SPRED2: variants seen among roughly 807,000 people sequenced by gnomAD.
SPRED2 encodes sprouty-related, EVH1 domain-containing protein 2.
SPRED2 carries 47 observed loss-of-function variants against 43.0 expected under a neutral mutation model. That is an observed-to-expected ratio of 1.09 (90% confidence interval 0.87 to 1.40). The LOEUF (loss-of-function observed/expected upper bound fraction) is 1.40, where lower values mean the gene tolerates loss of function less well. Among genes scored for constraint, SPRED2 ranks in the 40% most tolerant of loss-of-function variants. SPRED2 has a pLI of 0.00. For synonymous variants in SPRED2, 225 were observed against 225.7 expected (o/e 1.00, Z 0.03); for missense variants, 561 against 586.4 (o/e 0.96, Z 0.45).
At chr2:65,371,366 T>C (rs939207499) in intron 1 of SPRED2, among the ~76,000 whole-genome samples, 9 of 152,208 alleles carry the variant, frequency 5.9e-5, no homozygotes, top group African/African-American at 2.2e-4. Context: ...AGCCAGCTGT[T>C]TGAACAGATT....
chr2:65,391,087 C>CA (rs572027285), intron 1 of SPRED2, among the ~76,000 whole-genome samples: 47,131 of 126,998 alleles, frequency 0.37, 10,393 homozygotes, highest in East Asian at 0.69. Context: ...GACTCCATCT[C>CA]AAAAAAAAAA....
chr2:65,362,413 G>T (rs1674839294), intron 1 of SPRED2, among the ~76,000 whole-genome samples: 1 of 152,042 alleles, frequency 6.6e-6, no homozygotes, highest in Admixed American at 6.5e-5. Context: ...GCAACTACAG[G>T]CGCCCGACAC....
intron 1 of SPRED2, among the ~76,000 whole-genome samples, chr2:65,415,081 C>G (rs998337484): frequency 6.6e-6 from 1 of 152,202 alleles, no homozygotes; most frequent in African/African-American, 2.4e-5. Context: ...GCCATCACAA[C>G]TAGCCTAAAC....
intron 1 of SPRED2, among the ~76,000 whole-genome samples, chr2:65,384,731 A>T (rs953612763): frequency 6.6e-6 from 1 of 152,178 alleles, no homozygotes; most frequent in African/African-American, 2.4e-5. Flanking sequence ...CAAGACAAGA[A>T]GATCGGTTTC....
chr2:65,347,493 A>G (rs1449994756), intron 1 of SPRED2, among the ~76,000 whole-genome samples: 3 of 151,992 alleles, frequency 2.0e-5, no homozygotes, highest in African/African-American at 7.3e-5. Context: ...TGATGGATGA[A>G]GTTGCTTTAG....
chr2:65,428,195 TG>T (rs1218065742), intron 1 of SPRED2, among the ~76,000 whole-genome samples: 1 of 152,240 alleles, frequency 6.6e-6, no homozygotes, highest in East Asian at 1.9e-4. Context: ...TGCCTAGCCC[TG>T]TACTATAAGC....
intron 4 of SPRED2, among the ~76,000 whole-genome samples, chr2:65,326,650 A>G (rs1458899037): frequency 1.3e-5 from 2 of 152,106 alleles, no homozygotes; most frequent in African/African-American, 2.4e-5. Flanking sequence ...GAAATTAACA[A>G]CAACAAAAAC....
At chr2:65,334,573 T>C (rs747549348) in intron 3 of SPRED2, 32 bp downstream of exon 3, 2 of 1,606,340 alleles carry the variant, frequency 1.2e-6, no homozygotes, top group Non-Finnish European at 1.7e-6. Flanking sequence ...ATTTCCATAG[T>C]CCCACTAAGA....
At chr2:65,392,909 A>G (rs1675670597) in intron 1 of SPRED2, among the ~76,000 whole-genome samples, 1 of 152,202 alleles carries the variant, frequency 6.6e-6, no homozygotes, top group Non-Finnish European at 1.5e-5. Context: ...AGGGCAGCAC[A>G]TGGACCAGCA....
intron 1 of SPRED2, among the ~76,000 whole-genome samples, chr2:65,382,990 G>C (rs868275712): frequency 1.3e-5 from 2 of 152,222 alleles, no homozygotes; most frequent in Non-Finnish European, 2.9e-5. Flanking sequence ...GAAGGCCTCA[G>C]TAAAAGGCAG....
chr2:65,348,345 C>T (rs904141268), intron 1 of SPRED2, among the ~76,000 whole-genome samples: 1 of 152,192 alleles, frequency 6.6e-6, no homozygotes, highest in Non-Finnish European at 1.5e-5. Flanking sequence ...AATGCTTGCT[C>T]AATAAAATAT....
chr2:65,311,148 C>T lies in SPRED2; in HGVS notation c.*2353G>A. ...AAATCTTTTGGTTAATGTTTTGTTA[C>T]CACAGATACAAAAATAAAATCTGAA... is the stretch of plus-strand genomic sequence containing the variant. On this transcript the variant is annotated 3_prime_UTR_variant, in exon 6 of 6. Transcript: ENST00000356388. The T allele has an allele frequency of 1.0e-6, 1 of 985,712 alleles. No individual in the cohort carries two copies. 61.1% of individuals were successfully genotyped at this position (985,712 alleles called of 1,614,324 possible).
intron 1 of SPRED2, among the ~76,000 whole-genome samples, chr2:65,400,596 T>C (rs897076708): frequency 5.9e-5 from 9 of 152,206 alleles, no homozygotes; most frequent in African/African-American, 2.2e-4. Flanking sequence ...AGGCCGACTG[T>C]GCTCAGGGCC....
Position 65,313,693 on chromosome 2 carries a change from C to T in SPRED2, c.1065G>A (p.Ser355=), listed in dbSNP as rs766341539. 3.7e-6 allele frequency: 6 copies of T among 1,613,996 alleles called. No individual in the cohort carries two copies. The highest frequency in any genetic ancestry group is 3.3e-5 in the South Asian group (3 of 91,072). ...GGTCTGTATAGTCTCCCTCGGGGTC[C>T]GACATACAGTGATAGAGCATGCTGT... ...CADSMLYHCM[S]DPEGDYTDPC... Residue 355 remains serine, a synonymous_variant, in exon 6 of 6, where the codon TCG becomes TCA. Coordinates refer to ENST00000356388, the MANE Select transcript of SPRED2 (RefSeq NM_181784.3).
In SPRED2 at chr2:65,315,735, T is replaced by C. The variant is rs550616947; in HGVS notation, c.588+999A>G. On this transcript the variant is annotated intron_variant, in intron 5 of 5. Coordinates refer to ENST00000356388, the MANE Select transcript of SPRED2 (RefSeq NM_181784.3). ...ACGCAATGGCGCAATCTTGGCTCAC[T>C]GCAAGCTCCACCTCCTGGGTTCACG... Among the ~76,000 whole-genome samples the C allele has an allele frequency of 1.6e-3, 243 of 152,390 alleles. 1 individual carries two copies. Among genetic ancestry groups the C allele is most frequent in the African/African-American group, 5.1e-3 (214 of 41,602 alleles).
rs1437404650 is a variant in SPRED2 at position 65,310,974 on chromosome 2, T to C, written c.*2527A>G. 3 of 982,126 alleles carry C rather than the reference T, an allele frequency of 3.1e-6. No homozygotes were observed. The highest frequency in any genetic ancestry group is 3.6e-6 in the Non-Finnish European group (3 of 826,558). 60.8% of individuals were successfully genotyped at this position (982,126 alleles called of 1,614,324 possible). The stretch of plus-strand genomic sequence containing the variant: ...TGTACATCATACACTTGTATATATA[T>C]TTTTTACACAGAGGTAAAAAGGCTT... On this transcript the variant is annotated 3_prime_UTR_variant, in exon 6 of 6. Transcript: ENST00000356388.
chr2:65,318,231 C>G (rs1673303345), intron 4 of SPRED2, among the ~76,000 whole-genome samples: 1 of 152,182 alleles, frequency 6.6e-6, no homozygotes, highest in African/African-American at 2.4e-5. Flanking sequence ...ATTGTGAGGC[C>G]TCCCCAGCCA....
rs137913317 is a variant in SPRED2 at position 65,323,140 on chromosome 2, C to T, written c.439-6257G>A. Among the ~76,000 whole-genome samples, 550 of 152,244 alleles carry T rather than the reference C, an allele frequency of 3.6e-3. 6 individuals carry two copies. The highest frequency in any genetic ancestry group is 0.013 in the African/African-American group (531 of 41,556). On this transcript the variant is annotated intron_variant, in intron 4 of 5. Coordinates refer to ENST00000356388, the MANE Select transcript of SPRED2 (RefSeq NM_181784.3). Reference sequence around the variant, plus strand: ...CTCCTGAGTAGCTGGACCACAGGCACGTGCCACCACACCTGGCTAATTTTT... The same window carrying T: ...CTCCTGAGTAGCTGGACCACAGGCATGTGCCACCACACCTGGCTAATTTTT...
At chr2:65,359,543 T>C (rs2104308718) in intron 1 of SPRED2, among the ~76,000 whole-genome samples, 1 of 152,284 alleles carries the variant, frequency 6.6e-6, no homozygotes, top group South Asian at 2.1e-4. Context: ...CCTGCGTGGC[T>C]AAGCTGCTGA....
Sources: gnomAD v4.1 joint callset for allele counts (sites outside exome capture counted in the v4.1 genomes callset) on GRCh38, gnomAD v4.1.1 for gene constraint, MANE v1.5 for transcripts, NCBI Gene and HGNC (gene_info 2026-07-23, HGNC 2026-07-21) for gene names.